The following LMNTD1 variants were observed in gnomAD, a reference collection of about 807,000 sequenced individuals.
LMNTD1 encodes lamin tail domain-containing protein 1.
LMNTD1 carries 35 observed loss-of-function variants against 50.9 expected under a neutral mutation model. The ratio of observed to expected loss-of-function variants is 0.69; its 90% CI spans 0.53 to 0.91. The LOEUF is 0.91. Among genes scored for constraint, LMNTD1 ranks in the 40% least tolerant of loss-of-function variants. The pLI is 0.00. For missense variants in LMNTD1, 470 were observed against 475.5 expected, an observed-to-expected ratio of 0.99 and a Z score of 0.11; for synonymous variants, 153 against 161.9, an observed-to-expected ratio of 0.94 and a Z score of 0.42.
chr12:25,514,261 C>T (rs1016888049), intron 8 of LMNTD1, among the ~76,000 whole-genome samples: 14 of 152,054 alleles, frequency 9.2e-5, no homozygotes, highest in Non-Finnish European at 1.8e-4. Context: ...TCAGTGTGCA[C>T]GTGATGGACA....
chr12:25,508,077 G>A (rs180972979), intron 8 of LMNTD1, among the ~76,000 whole-genome samples: 1 of 150,090 alleles, frequency 6.7e-6, no homozygotes, highest in East Asian at 2.0e-4. Flanking sequence ...GCTCATTAAT[G>A]GAACCATGCT....
intron 2 of LMNTD1, 135 bp downstream of exon 2, chr12:25,552,736 C>T: frequency 3.2e-6 from 2 of 627,864 alleles, no homozygotes; most frequent in Middle Eastern, 5.1e-4. Flanking sequence ...TCCATTATTT[C>T]TAGAAAATTT....
intron 9 of LMNTD1, chr12:25,499,888 T>C (rs1939286543): frequency 6.6e-6 from 1 of 152,218 alleles, no homozygotes; most frequent in Non-Finnish European, 1.5e-5. Context: ...GCTCAGGCAT[T>C]TGATTTTCTT....
chr12:25,587,841 T>A (rs1945584902), intron 1 of LMNTD1, among the ~76,000 whole-genome samples: 1 of 152,202 alleles, frequency 6.6e-6, no homozygotes, highest in Non-Finnish European at 1.5e-5. Flanking sequence ...AGAGGGTATT[T>A]TAGGAAAGAA....
At chr12:25,523,221 A>C (rs978646940) in intron 6 of LMNTD1, among the ~76,000 whole-genome samples, 24 of 152,134 alleles carry the variant, frequency 1.6e-4, no homozygotes, top group African/African-American at 5.3e-4. Flanking sequence ...TTTAGTAGAG[A>C]TGGGGTTTCA....
intron 1 of LMNTD1, among the ~76,000 whole-genome samples, chr12:25,590,540 G>T (rs1188822875): frequency 3.9e-5 from 6 of 152,188 alleles, no homozygotes. Flanking sequence ...GGACTAGGGG[G>T]TCATGTGACC....
At chr12:25,545,418 G>A (rs559920022) in intron 4 of LMNTD1, among the ~76,000 whole-genome samples, 1 of 151,510 alleles carries the variant, frequency 6.6e-6, no homozygotes, top group South Asian at 2.1e-4. Flanking sequence ...ACTTCTCTGT[G>A]GCCTCAGGAA....
intron 1 of LMNTD1, among the ~76,000 whole-genome samples, chr12:25,594,234 A>G (rs1022349451): frequency 4.1e-4 from 62 of 152,190 alleles, no homozygotes; most frequent in Non-Finnish European, 7.9e-4. Flanking sequence ...ATCATTGCAA[A>G]AAGATAATTG....
upstream of LMNTD1, among the ~76,000 whole-genome samples, chr12:25,556,980 G>A (rs1470238046): frequency 1.3e-5 from 2 of 152,108 alleles, no homozygotes; most frequent in Non-Finnish European, 2.9e-5. Flanking sequence ...TCCCCTCTCA[G>A]GCCATGGGTA....
At chr12:25,489,560 A>G (rs1001669140) in intron 9 of LMNTD1, among the ~76,000 whole-genome samples, 1 of 145,880 alleles carries the variant, frequency 6.9e-6, no homozygotes, top group African/African-American at 2.6e-5. Flanking sequence ...CTGGTACCTC[A>G]GATGGAAATG....
intron 1 of LMNTD1, among the ~76,000 whole-genome samples, chr12:25,594,845 C>A (rs1485959782): frequency 6.6e-6 from 1 of 151,988 alleles, no homozygotes; most frequent in East Asian, 1.9e-4. Context: ...ACTCACCTAA[C>A]ACATAAGGAT....
rs537042963 is a variant in LMNTD1 at position 25,491,727 on chromosome 12, T to C, written c.*22+12011A>G. On this transcript the variant is annotated intron_variant, in intron 9 of 9. Coordinates refer to ENST00000458174, the MANE Select transcript of LMNTD1 (RefSeq NM_001145728.2). ...GCATGCACAGAAGGCAACACAGGGATAGACCATGGGGAATTCACCAGGAGG... is the reference window on the plus strand; with the variant it reads ...GCATGCACAGAAGGCAACACAGGGACAGACCATGGGGAATTCACCAGGAGG... 2.0e-5 allele frequency among the ~76,000 whole-genome samples: 3 copies of C among 152,292 alleles called. No individual in the cohort carries two copies. In the East Asian group the frequency reaches 5.8e-4, roughly 29 times the overall value.
At chr12:25,623,836 C>T (rs1946529138) in intron 1 of LMNTD1, among the ~76,000 whole-genome samples, 1 of 152,144 alleles carries the variant, frequency 6.6e-6, no homozygotes, top group African/African-American at 2.4e-5. Flanking sequence ...ATATCACCTG[C>T]CTCCTTCGTC....
chr12:25,497,795 C>T (rs1199421183), intron 9 of LMNTD1: 4 of 135,430 alleles, frequency 3.0e-5, no homozygotes, highest in Admixed American at 1.5e-4. Flanking sequence ...GAGACTCCAT[C>T]TGAAAAAAAA....
chr12:25,505,695 G>T (rs1041306006), intron 8 of LMNTD1, among the ~76,000 whole-genome samples: 1 of 152,020 alleles, frequency 6.6e-6, no homozygotes, highest in Non-Finnish European at 1.5e-5. Flanking sequence ...TTAGTATTTT[G>T]CAATGTTCCT....
chr12:25,533,363 A>G (rs1054207461), intron 4 of LMNTD1, among the ~76,000 whole-genome samples: 2 of 152,210 alleles, frequency 1.3e-5, no homozygotes, highest in African/African-American at 4.8e-5. Context: ...GCCTTTGCAC[A>G]GTCTCTATTT....
At chr12:25,585,227 G>A (rs944582208) in intron 1 of LMNTD1, among the ~76,000 whole-genome samples, 1 of 152,186 alleles carries the variant, frequency 6.6e-6, no homozygotes, top group East Asian at 1.9e-4. Context: ...CAAACTCTCT[G>A]CTCTTCCAGT....
chr12:25,627,936 C>T (rs1462328454), intron 1 of LMNTD1, among the ~76,000 whole-genome samples: 5 of 150,912 alleles, frequency 3.3e-5, no homozygotes, highest in African/African-American at 4.9e-5. Context: ...GGTGAAACCC[C>T]GTCTCTACTA....
intron 9 of LMNTD1, among the ~76,000 whole-genome samples, chr12:25,485,615 C>A (rs1323944788): frequency 7.3e-6 from 1 of 136,482 alleles, no homozygotes; most frequent in Admixed American, 7.8e-5. Flanking sequence ...CCTAGGTTTT[C>A]TTCTAGGGTT....
Sources: allele counts gnomAD v4.1 joint callset (sites outside exome capture counted in the v4.1 genomes callset), GRCh38; gene constraint gnomAD v4.1.1; transcripts MANE v1.5; gene names NCBI Gene and HGNC (gene_info 2026-07-23, HGNC 2026-07-21).